Variants in INPP5A observed in about 807,000 individuals in gnomAD.
INPP5A encodes the protein 43 kDa inositol polyphosphate 5-phophatase.
In INPP5A, 14 loss-of-function variants were observed where a neutral mutation model predicts 65.2. The observed-to-expected ratio is 0.21, with a 90% CI of 0.14 to 0.34. The LOEUF is 0.34. Among genes scored for constraint, INPP5A ranks in the 10% least tolerant of loss-of-function variants. The probability of loss-of-function intolerance (pLI) is 1.00; values close to 1 mark genes in which losing one functional copy is unlikely to be tolerated. For synonymous variants in INPP5A, 207 were observed against 208.3 expected (o/e 0.99, Z 0.05); for missense variants, 431 against 545.6 (o/e 0.79, Z 2.09).
At position 132,538,245 on chromosome 10, in the gene INPP5A, G is replaced by C. The variant is rs568037162; in HGVS notation, c.75+74G>C. 1.1e-6 allele frequency: 1 copy of C among 893,542 alleles called. No homozygotes were observed. The allele number at this position is 893,542 out of a possible 1,614,324, so 55.4% of individuals were successfully genotyped here. A position where few individuals can be genotyped will look rare whatever the true frequency, so the allele number is the denominator to read the frequency against. ...CTGACCCCGGGGTCCCGAACTGCAA[G>C]CCTTGGACCCTGGACCGTGAACCTC... is the stretch of plus-strand genomic sequence containing the variant. On this transcript the variant is annotated intron_variant, in intron 1 of 15. Transcript: ENST00000368594. The surrounding 1 kb of genome is among the most constrained non-coding windows in gnomAD (Gnocchi z 4.1).
chr10:132,710,421 A>G lies in INPP5A; in HGVS notation c.612A>G (p.Gly204=), dbSNP rs144832876. ...AWETSPSVYS[G]IRHKALGYVL... ...AAACAAGCCCTTCCGTGTACTCGGG[A>G]ATCCGGCACAAGGCACTGGGCTACG... The change falls in exon 8 of 16, where the codon GGA becomes GGG. Residue 204 remains glycine (G), a synonymous_variant. Transcript: ENST00000368594. 1 of 1,613,906 alleles carries G rather than the reference A, an allele frequency of 6.2e-7. No individual in the cohort carries two copies. Among genetic ancestry groups the G allele is most frequent in the African/African-American group, 1.3e-5 (1 of 74,942 alleles).
intron 1 of INPP5A, among the ~76,000 whole-genome samples, chr10:132,559,021 A>G (rs1203803027): frequency 6.6e-6 from 1 of 152,158 alleles, no homozygotes; most frequent in Middle Eastern, 3.2e-3. Flanking sequence ...GGGACAGTCC[A>G]GCCCCGTCCT....
intron 7 of INPP5A, among the ~76,000 whole-genome samples, chr10:132,710,007 C>G (rs554921593): frequency 9.3e-4 from 142 of 152,392 alleles, no homozygotes; most frequent in African/African-American, 3.3e-3. Context: ...GCAGCATCAG[C>G]TGAGGCTGAG....
In INPP5A at chr10:132,587,043, A is replaced by G. The variant is rs928371253; in HGVS notation, c.76-20872A>G. 2.0e-5 allele frequency among the ~76,000 whole-genome samples: 3 copies of G among 152,234 alleles called. No homozygotes were observed. Among genetic ancestry groups the G allele is most frequent in the Admixed American group, 2.0e-4 (3 of 15,286 alleles). Reference sequence around the variant, plus strand: ...CCTCCCCCGCCATCGTTACGCTGTCATCAGCAAGATCACTGTCACTAGGAC... The same window carrying G: ...CCTCCCCCGCCATCGTTACGCTGTCGTCAGCAAGATCACTGTCACTAGGAC... On this transcript the variant is annotated intron_variant, in intron 1 of 15. Coordinates refer to ENST00000368594, the MANE Select transcript of INPP5A (RefSeq NM_005539.5). The surrounding 1 kb of genome is among the most constrained non-coding windows in gnomAD (Gnocchi z 4.3).
At chr10:132,664,611 T>G (rs1241977776) in intron 4 of INPP5A, among the ~76,000 whole-genome samples, 2 of 152,202 alleles carry the variant, frequency 1.3e-5, no homozygotes, top group Non-Finnish European at 2.9e-5. Flanking sequence ...TGGGGGTGGC[T>G]GGGCCTCTGA....
chr10:132,624,501 G>A (rs1273105270), intron 2 of INPP5A, among the ~76,000 whole-genome samples: 7 of 142,038 alleles, frequency 4.9e-5, no homozygotes, highest in Non-Finnish European at 1.1e-4. Context: ...ACTTCCCACC[G>A]GCGTGTCTGC....
intron 4 of INPP5A, among the ~76,000 whole-genome samples, chr10:132,664,294 C>T (rs549019376): frequency 3.3e-5 from 5 of 152,284 alleles, no homozygotes; most frequent in East Asian, 1.9e-4. Flanking sequence ...TGAAGGAGAC[C>T]GAAGGAAACT....
Position 132,546,753 on chromosome 10 carries a change from C to T in INPP5A, c.75+8582C>T, listed in dbSNP as rs1008285739. Among the ~76,000 whole-genome samples, 2 of 152,194 alleles carry T rather than the reference C, an allele frequency of 1.3e-5. No individual in the cohort carries two copies. On this transcript the variant is annotated intron_variant, in intron 1 of 15. Transcript: ENST00000368594. The surrounding 1 kb of genome is among the most constrained non-coding windows in gnomAD (Gnocchi z 5.7). ...ATACCCCGGGCCCCCTGGGCTCTGG[C>T]CTGTCCCCTTGTCCCCACCTGACCG...
Position 132,645,952 on chromosome 10 carries a change from G to A in INPP5A, c.202G>A (p.Val68Met), listed in dbSNP as rs144774890. 11 of 1,612,676 alleles carry A rather than the reference G, an allele frequency of 6.8e-6. No homozygotes were observed. The highest frequency in any genetic ancestry group is 9.3e-6 in the Non-Finnish European group (11 of 1,178,878). ...GKNYEASMSHVDKFVKELLSS... is the reference protein window; with the variant it reads ...GKNYEASMSHMDKFVKELLSS... The stretch of plus-strand genomic sequence containing the variant: ...GAACTACGAGGCCTCCATGTCCCAC[G>A]TGGACAAGTTCGTCAAGTAAGTCTA... The change falls in exon 3 of 16, where the codon GTG becomes ATG. Residue 68 changes from valine to methionine, a missense_variant. Physicochemically the swap from Val to Met is conservative, Grantham distance 21. Transcript: ENST00000368594.
At chr10:132,669,304 G>T (rs1420138635) in intron 4 of INPP5A, among the ~76,000 whole-genome samples, 1 of 152,184 alleles carries the variant, frequency 6.6e-6, no homozygotes, top group Non-Finnish European at 1.5e-5. Context: ...GTGAAGCTGG[G>T]AAGTAGCCCC....
chr10:132,608,667 C>T (rs978025198), intron 2 of INPP5A, among the ~76,000 whole-genome samples: 1 of 152,190 alleles, frequency 6.6e-6, no homozygotes, highest in African/African-American at 2.4e-5. Flanking sequence ...ATGGGCATGA[C>T]GGTGGCCAGG....
chr10:132,775,108 G>A (rs1251877025), intron 12 of INPP5A, among the ~76,000 whole-genome samples: 2 of 66,010 alleles, frequency 3.0e-5, no homozygotes, highest in Non-Finnish European at 3.1e-5. Flanking sequence ...AGACAGGCAG[G>A]GAGGAGGGGC....
chr10:132,596,611 G>A (rs1343057628), intron 1 of INPP5A, among the ~76,000 whole-genome samples: 1 of 152,030 alleles, frequency 6.6e-6, no homozygotes, highest in Non-Finnish European at 1.5e-5. Context: ...TGTATTTTTA[G>A]TAGAGACAGG....
intron 5 of INPP5A, among the ~76,000 whole-genome samples, chr10:132,694,919 C>G (rs1845321626): frequency 6.6e-6 from 1 of 152,146 alleles, no homozygotes; most frequent in Admixed American, 6.5e-5. Context: ...AAGAAAGCAT[C>G]AGACCAAATG....
At position 132,721,123 on chromosome 10, in the gene INPP5A, AG is replaced by A. The variant is rs201234250; in HGVS notation, c.648-5695del. Among the ~76,000 whole-genome samples, 803 of 139,256 alleles carry A rather than the reference AG, an allele frequency of 5.8e-3. 5 individuals carry two copies. Among genetic ancestry groups the A allele is most frequent in the Non-Finnish European group, 9.6e-3 (620 of 64,576 alleles). The allele number at this position is 139,256 out of a possible 152,430, so 91.4% of individuals were successfully genotyped here. A position where few individuals can be genotyped will look rare whatever the true frequency, so the allele number is the denominator to read the frequency against. On this transcript the variant is annotated intron_variant, in intron 8 of 15. Transcript: ENST00000368594. ...GGAGGAGCCTTAGACGACTGTCTTCAGGGTTCTGTGGTACCTGGGTTCTGTC... is the reference window on the plus strand; with the variant it reads ...GGAGGAGCCTTAGACGACTGTCTTCAGGTTCTGTGGTACCTGGGTTCTGTC...
At chr10:132,586,755 A>G (rs2071550180) in intron 1 of INPP5A, among the ~76,000 whole-genome samples, 1 of 152,266 alleles carries the variant, frequency 6.6e-6, no homozygotes, top group Non-Finnish European at 1.5e-5. Context: ...TGAAACAAGT[A>G]TGATTGACTT....
chr10:132,716,747 G>A (rs1399367444), intron 8 of INPP5A, among the ~76,000 whole-genome samples: 3 of 152,210 alleles, frequency 2.0e-5, no homozygotes, highest in African/African-American at 7.2e-5. Context: ...GTTTATGGCG[G>A]TGTCCAAGCA....
rs1000534826 is a variant in INPP5A, at chr10:132,616,409, C to T, written c.117+8453C>T. 1.3e-5 allele frequency among the ~76,000 whole-genome samples: 2 copies of T among 151,050 alleles called. No homozygotes were observed. Among genetic ancestry groups the T allele is most frequent in the African/African-American group, 4.9e-5 (2 of 41,008 alleles). The stretch of plus-strand genomic sequence containing the variant: ...GTGTGAGGTATGTGGCGTGCGGGGA[C>T]GCCGTGGGCGTGGTGTGGGATATGT... On this transcript the variant is annotated intron_variant, in intron 2 of 15. Transcript: ENST00000368594. This position sits in a 1 kb window ranked among gnomAD's most constrained non-coding sequence, Gnocchi z 4.9.
chr10:132,693,438 A>G (rs550810024), intron 5 of INPP5A, among the ~76,000 whole-genome samples: 13 of 152,354 alleles, frequency 8.5e-5, no homozygotes, highest in African/African-American at 3.1e-4. Flanking sequence ...CCATTTATAT[A>G]AACACCTAAA....
Sources: gnomAD v4.1 joint callset for allele counts (sites outside exome capture counted in the v4.1 genomes callset) on GRCh38, gnomAD v4.1.1 for gene constraint, Gnocchi (gnomAD v3.1) non-coding constraint, MANE v1.5 for transcripts, NCBI Gene and HGNC (gene_info 2026-07-23, HGNC 2026-07-21) for gene names.